NAXD: variants seen among roughly 807,000 people sequenced by gnomAD.
The protein encoded by NAXD is NAD(P)HX dehydratase.
A neutral mutation model predicts 35.8 loss-of-function variants in NAXD; 22 were observed. That is an observed-to-expected ratio of 0.62 (90% CI 0.44 to 0.88). NAXD has a LOEUF of 0.88. Ranked by LOEUF, NAXD falls within the 40% of genes least tolerant of loss-of-function variation. The pLI, the probability that NAXD is intolerant of heterozygous loss-of-function variation, is 0.00. For missense variants in NAXD, 428 were observed against 437.7 expected (o/e 0.98, Z 0.20); for synonymous variants, 189 against 177.6 (o/e 1.06, Z -0.51).
At position 110,623,480 on chromosome 13, in the gene NAXD, G is replaced by A. The variant is rs551685638; in HGVS notation, c.198-754G>A. Among the ~76,000 whole-genome samples, 27 of 152,306 alleles carry A rather than the reference G, an allele frequency of 1.8e-4. No individual in the cohort carries two copies. In the South Asian group the frequency reaches 5.4e-3, roughly 30 times the overall value. ...TGGGTGCCGTTTCTTGTTTGTCCCA[G>A]GTGGCCCCCATCTGGCCTCTGCTGA... On this transcript the variant is annotated intron_variant, in intron 2 of 9. Transcript: ENST00000680254.
intron 7 of NAXD, 86 bp from the exon 8 acceptor site, chr13:110,635,382 G>T: frequency 6.7e-7 from 1 of 1,488,372 alleles, no homozygotes; most frequent in Non-Finnish European, 9.2e-7. Context: ...GAGAGCATGA[G>T]TCTCATGGCG....
intron 3 of NAXD, 123 bp from the exon 4 acceptor site, chr13:110,625,067 G>C: frequency 1.4e-6 from 1 of 695,878 alleles, no homozygotes; most frequent in Non-Finnish European, 2.5e-6. Flanking sequence ...GGTGTAATCC[G>C]AGCTAGTACG....
intron 1 of NAXD, among the ~76,000 whole-genome samples, chr13:110,620,499 G>A (rs1194086287): frequency 6.6e-6 from 1 of 151,394 alleles, no homozygotes; most frequent in African/African-American, 2.4e-5. Flanking sequence ...AGAATTGCTT[G>A]GACCAGGGGG....
Position 110,637,217 on chromosome 13 carries a change from G to C in NAXD, c.807G>C (p.Trp269Cys), listed in dbSNP as rs1186762926. 1 of 1,614,094 alleles carries C rather than the reference G, an allele frequency of 6.2e-7. No homozygotes were observed. The highest frequency in any genetic ancestry group is 1.1e-5 in the South Asian group (1 of 91,084). Residue 269 changes from tryptophan (W) to cysteine (C), a missense_variant, in exon 9 of 10, where the codon TGG becomes TGC. Transcript: ENST00000680254. ...LSGSLGVLVH[W>C]ALLAGPQKTN... ...GCTCCCTGGGCGTCCTGGTACACTG[G>C]GCGCTCCTTGCTGGACCACAGAAAA...
intron 1 of NAXD, among the ~76,000 whole-genome samples, chr13:110,619,999 A>G (rs879661795): frequency 2.0e-5 from 3 of 151,876 alleles, no homozygotes; most frequent in South Asian, 2.1e-4. Flanking sequence ...GGGTTTCACT[A>G]TGTTGGCCAG....
rs574234608 is a variant in NAXD at position 110,634,918 on chromosome 13, C to T, written c.597+142C>T. 183 of 674,352 alleles carry T rather than the reference C, an allele frequency of 2.7e-4. No individual in the cohort carries two copies. The East Asian group carries it at 4.5e-3, about 17-fold the overall frequency. The allele number at this position is 674,352 out of a possible 1,614,324, so 41.8% of individuals were successfully genotyped here. On this transcript the variant is annotated intron_variant, in intron 7 of 9. Coordinates refer to ENST00000680254, the MANE Select transcript of NAXD (RefSeq NM_001242882.2). ...GCTGTGCCTCTCCCAGCGGATGGCG[C>T]GTCTTCCCATTAATGCGCTTGGATT...
chr13:110,631,163 C>G (rs999253385), intron 5 of NAXD, among the ~76,000 whole-genome samples: 2 of 152,196 alleles, frequency 1.3e-5, no homozygotes, highest in African/African-American at 4.8e-5. Flanking sequence ...GGCTCTTGAC[C>G]AATGCACCTG....
intron 8 of NAXD, among the ~76,000 whole-genome samples, chr13:110,636,252 C>A (rs1286241866): frequency 6.6e-6 from 1 of 152,262 alleles, no homozygotes; most frequent in Non-Finnish European, 1.5e-5. Context: ...TGCTCACCTG[C>A]TGAGCTGTGG....
At position 110,615,976 on chromosome 13, in the gene NAXD, G is replaced by A. The variant is rs889905204; in HGVS notation, c.46+329G>A. 7.4e-5 allele frequency: 31 copies of A among 420,306 alleles called. 1 individual carries two copies. The highest frequency in any genetic ancestry group is 6.2e-4 in the African/African-American group (30 of 48,334). The allele number at this position is 420,306 out of a possible 1,614,324, so 26.0% of individuals were successfully genotyped here. On this transcript the variant is annotated intron_variant, in intron 1 of 9. Transcript: ENST00000680254. ...CGGGGTGACAGAGGGGCAGAGGGTGGCGCCGGGCCGGAGCCAGTGCGCGTC... is the reference window on the plus strand; with the variant it reads ...CGGGGTGACAGAGGGGCAGAGGGTGACGCCGGGCCGGAGCCAGTGCGCGTC...
At chr13:110,626,078 G>T (rs1325158250) in intron 4 of NAXD, among the ~76,000 whole-genome samples, 1 of 152,164 alleles carries the variant, frequency 6.6e-6, no homozygotes, top group Non-Finnish European at 1.5e-5. Context: ...GTGACCAAGA[G>T]GTGCAGGGCT....
chr13:110,637,357 T>G (rs1886967670), intron 9 of NAXD, 108 bp downstream of exon 9: 1 of 1,311,732 alleles, frequency 7.6e-7, no homozygotes, highest in East Asian at 2.3e-5. Flanking sequence ...GACAATGAAC[T>G]CTAGGCTTCA....
chr13:110,633,253 C>G (rs938220817), intron 5 of NAXD, among the ~76,000 whole-genome samples: 1 of 152,188 alleles, frequency 6.6e-6, no homozygotes, highest in Non-Finnish European at 1.5e-5. Flanking sequence ...CCAGTACACC[C>G]TCTGCAGCCG....
At chr13:110,623,955 T>C (rs981048123) in intron 2 of NAXD, among the ~76,000 whole-genome samples, 3 of 149,130 alleles carry the variant, frequency 2.0e-5, no homozygotes, top group African/African-American at 7.5e-5. Context: ...TGAGCCAAGA[T>C]CGTGCCATTG....
rs1886537902 is a variant in NAXD at position 110,627,541 on chromosome 13, T to C, written c.435T>C (p.Asn145=). 2 of 1,611,232 alleles carry C rather than the reference T, an allele frequency of 1.2e-6. No individual in the cohort carries two copies. Among genetic ancestry groups the C allele is most frequent in the Non-Finnish European group, 8.5e-7 (1 of 1,177,510 alleles). The change falls in exon 5 of 10, where the codon AAT becomes AAC. Residue 145 remains asparagine (N), a synonymous_variant. Coordinates refer to ENST00000680254, the MANE Select transcript of NAXD (RefSeq NM_001242882.2). ...GLGRDDALLR[N]VQGILEVSKA... ...GTAGAGATGATGCGCTTCTCAGAAA[T>C]GTCCAGGTAATGTGTATACTCACTC...
chr13:110,615,651 A>C lies in NAXD; in HGVS notation c.46+4A>C, dbSNP rs1886018148. The stretch of plus-strand genomic sequence containing the variant: ...GCAATCCGGGCTTGCAGACGAGGTA[A>C]GGTCGATTCCATTTGGCCCGGGGAT... On this transcript the variant is annotated splice_donor_region_variant and intron_variant, in intron 1 of 9. Transcript: ENST00000680254. 4.6e-6 allele frequency: 7 copies of C among 1,507,022 alleles called. No individual in the cohort carries two copies. Among genetic ancestry groups the C allele is most frequent in the South Asian group, 1.2e-5 (1 of 81,820 alleles). 93.4% of individuals were successfully genotyped at this position (1,507,022 alleles called of 1,614,324 possible). A position where few individuals can be genotyped will look rare whatever the true frequency, so the allele number is the denominator to read the frequency against.
rs767778853 is a variant in NAXD at position 110,638,460 on chromosome 13, C to T, written c.922C>T (p.Arg308Cys). 3.4e-5 allele frequency: 55 copies of T among 1,613,246 alleles called. No homozygotes were observed. The highest frequency in any genetic ancestry group is 2.7e-4 in the Admixed American group (16 of 59,986). The part of the protein sequence containing the change: ...CNHQAFQKHG[R>C]STTTSDMIAE... ...CCACCAAGCCTTCCAGAAGCACGGT[C>T]GCTCCACCACCACCTCCGACATGAT... is the stretch of plus-strand genomic sequence containing the variant. The change falls in exon 10 of 10, where the codon CGC becomes TGC. Residue 308 changes from arginine (R) to cysteine (C), a missense_variant. Physicochemically the swap from Arg to Cys is radical, Grantham distance 180. This residue lies in a region of NAXD where 209 missense variants were observed against 214.6 expected (regional missense o/e 0.97). Coordinates refer to ENST00000680254, the MANE Select transcript of NAXD (RefSeq NM_001242882.2). This position sits in a 1 kb window ranked among gnomAD's most constrained non-coding sequence, Gnocchi z 5.4.
intron 7 of NAXD, 49 bp from the exon 8 acceptor site, chr13:110,635,419 G>T (rs1273535335): frequency 6.3e-7 from 1 of 1,599,102 alleles, no homozygotes; most frequent in East Asian, 2.2e-5. Flanking sequence ...CTGTCGTCGT[G>T]TGTCTGAGGA....
intron 2 of NAXD, among the ~76,000 whole-genome samples, chr13:110,622,666 G>GT (rs1174059534): frequency 3.3e-5 from 5 of 152,146 alleles, no homozygotes; most frequent in African/African-American, 7.2e-5. Context: ...CCACAAGCAT[G>GT]TTTTTTGTAT....
intron 1 of NAXD, among the ~76,000 whole-genome samples, chr13:110,618,534 G>A (rs1442406494): frequency 6.6e-6 from 1 of 152,236 alleles, no homozygotes; most frequent in Admixed American, 6.5e-5. Context: ...ATTGCCGTGT[G>A]AATGCAGTGG....
Sources: gnomAD v4.1 joint callset for allele counts (sites outside exome capture counted in the v4.1 genomes callset) on GRCh38, gnomAD v4.1.1 for gene constraint, gnomAD v4.1.1 regional missense constraint, Gnocchi (gnomAD v3.1) non-coding constraint, MANE v1.5 for transcripts, NCBI Gene and HGNC (gene_info 2026-07-23, HGNC 2026-07-21) for gene names.